Variants in ZNF551 observed in about 807,000 individuals in gnomAD.
ZNF551 encodes zinc finger protein 551, also known as KOX 23 protein (56 AA).
A neutral mutation model predicts 7.9 loss-of-function variants in ZNF551; 5 were observed. That is an observed-to-expected ratio of 0.63 (90% CI 0.33 to 1.33). ZNF551 has a LOEUF of 1.33. ZNF551 is among the 40% of genes most tolerant of loss of function. The pLI, the probability that ZNF551 is intolerant of heterozygous loss-of-function variation, is 0.05. For missense variants in ZNF551, 788 were observed against 825.2 expected (o/e 0.95, Z 0.55); for synonymous variants, 287 against 277.3 (o/e 1.03, Z -0.35).
intron 1 of ZNF551, among the ~76,000 whole-genome samples, chr19:57,684,720 A>G (rs1180964623): frequency 6.6e-6 from 1 of 151,924 alleles, no homozygotes; most frequent in Admixed American, 6.6e-5. Flanking sequence ...AGAGATACTC[A>G]TAATGGAATG....
At chr19:57,685,147 T>C in intron 1 of ZNF551, 115 bp from the exon 2 acceptor site, 1 of 1,423,524 alleles carries the variant, frequency 7.0e-7, no homozygotes, top group Non-Finnish European at 9.6e-7. Context: ...GGTGGCACTG[T>C]GGCTGGTTAT....
In ZNF551 at chr19:57,687,681, A is replaced by G. The variant is rs1342124860; in HGVS notation, c.1406A>G (p.His469Arg). ...AACCTCATTCGACACCGCAGCATTC[A>G]CACTGGTGATAGGCCTTATGAGTGC... ...FSNLIRHRSI[H>R]TGDRPYECSE... The change falls in exon 3 of 3, where the codon CAC (histidine) becomes CGC (arginine). Residue 469 changes from histidine to arginine, a missense_variant. By Grantham distance (29) the His-to-Arg change is conservative (BLOSUM62 0). Transcript: ENST00000282296. The G allele has an allele frequency of 6.2e-7, 1 of 1,614,212 alleles. No homozygotes were observed. Among genetic ancestry groups the G allele is most frequent in the Non-Finnish European group, 8.5e-7 (1 of 1,180,046 alleles).
Position 57,687,002 on chromosome 19 carries a change from A to T in ZNF551, c.727A>T (p.Ser243Cys), listed in dbSNP as rs1404756482. The change falls in exon 3 of 3, where the codon AGT becomes TGT. Residue 243 changes from serine to cysteine, a missense_variant. Ser to Cys is a moderately radical substitution (Grantham distance 112). Transcript: ENST00000282296. ...CAAACACACACTTGTTCAGCATCAG[A>T]GTGTCTGTTCTGAAGGAGGGCTTTA... The part of the protein sequence containing the change: ...SHKHTLVQHQ[S>C]VCSEGGLYEC... 11 of 1,614,074 alleles carry T rather than the reference A, an allele frequency of 6.8e-6. No homozygotes were observed. The highest frequency in any genetic ancestry group is 9.3e-6 in the Non-Finnish European group (11 of 1,180,036).
In ZNF551 at chr19:57,687,373, C is replaced by T. The variant is rs200491800; in HGVS notation, c.1098C>T (p.Gly366=). 36 of 1,612,472 alleles carry T rather than the reference C, an allele frequency of 2.2e-5. No homozygotes were observed. The highest frequency in any genetic ancestry group is 5.0e-5 in the Admixed American group (3 of 59,896). Reference sequence around the variant, plus strand: ...CTGGAGAAAGGCCTTATGAATGTGGCGAGTGCGGGAAATCCTTTAGACAAA... The same window carrying T: ...CTGGAGAAAGGCCTTATGAATGTGGTGAGTGCGGGAAATCCTTTAGACAAA... ...VHTGERPYEC[G]ECGKSFRQSS... is the part of the protein sequence containing the mutation. The change falls in exon 3 of 3, where the codon GGC becomes GGT. Residue 366 remains glycine (G), a synonymous_variant. Transcript: ENST00000282296.
Position 57,687,628 on chromosome 19 carries a change from A to G in ZNF551, c.1353A>G (p.Glu451=). The part of the protein sequence containing the change: ...HSGERPYECR[E]CGKSFRQFSN... ...GAGAAAGACCTTATGAATGCAGAGA[A>G]TGTGGGAAATCCTTTAGACAATTCT... Residue 451 remains glutamate, a synonymous_variant, in exon 3 of 3, where the codon GAA becomes GAG. Coordinates refer to ENST00000282296, the MANE Select transcript of ZNF551 (RefSeq NM_138347.5). 6.2e-7 allele frequency: 1 copy of G among 1,614,212 alleles called. No homozygotes were observed. Among genetic ancestry groups the G allele is most frequent in the Non-Finnish European group, 8.5e-7 (1 of 1,180,036 alleles).
In ZNF551 at chr19:57,682,226, G is replaced by T; in HGVS notation, c.63G>T (p.Ala21=). The change falls in exon 1 of 3, where the codon GCG becomes GCT. Residue 21 remains alanine (A), a synonymous_variant. Coordinates refer to ENST00000282296, the MANE Select transcript of ZNF551 (RefSeq NM_138347.5). ...CACGGAGCTCAATGGCGGCAGTCGC[G>T]CTGAGGGACTCGGCTCAGGTGAGTT... ...PSPRSSMAAV[A]LRDSAQGMTF... 6.4e-7 allele frequency: 1 copy of T among 1,550,470 alleles called. No individual in the cohort carries two copies. Among genetic ancestry groups the T allele is most frequent in the Non-Finnish European group, 8.7e-7 (1 of 1,146,940 alleles).
intron 1 of ZNF551, among the ~76,000 whole-genome samples, chr19:57,683,579 G>T (rs912650259): frequency 2.0e-4 from 30 of 152,198 alleles, no homozygotes; most frequent in African/African-American, 7.2e-4. Context: ...GACAATCTGT[G>T]GGCCGGGGTG....
chr19:57,688,613 A>C lies in ZNF551; in HGVS notation c.*325A>C. The stretch of plus-strand genomic sequence containing the variant: ...TGTACTCTCCCATTTGCTTGGGGAA[A>C]TTATTAATAGCCCAAGCATGTAGGG... On this transcript the variant is annotated 3_prime_UTR_variant, in exon 3 of 3. Coordinates refer to ENST00000282296, the MANE Select transcript of ZNF551 (RefSeq NM_138347.5). The C allele has an allele frequency of 3.3e-6, 1 of 299,820 alleles. No individual in the cohort carries two copies. Among genetic ancestry groups the C allele is most frequent in the Non-Finnish European group, 6.2e-6 (1 of 160,214 alleles). 18.6% of individuals were successfully genotyped at this position (299,820 alleles called of 1,614,324 possible). A position where few individuals can be genotyped will look rare whatever the true frequency, so the allele number is the denominator to read the frequency against.
At chr19:57,685,568 A>G in intron 2 of ZNF551, 183 bp downstream of exon 2, 3 of 837,298 alleles carry the variant, frequency 3.6e-6, no homozygotes, top group African/African-American at 1.7e-5. Context: ...TCTAGCTGCC[A>G]TTTCCTTATG....
chr19:57,686,424 A>T, intron 2 of ZNF551, 57 bp from the exon 3 acceptor site: 2 of 1,571,400 alleles, frequency 1.3e-6, no homozygotes, highest in Admixed American at 3.6e-5. Context: ...TTTGTGATAC[A>T]TCTTTCTCCT....
rs1014688102 is a variant in ZNF551 at position 57,688,561 on chromosome 19, C to G, written c.*273C>G. On this transcript the variant is annotated 3_prime_UTR_variant, in exon 3 of 3. Coordinates refer to ENST00000282296, the MANE Select transcript of ZNF551 (RefSeq NM_138347.5). ...GCACACCATGTGCATGAGTCACTTC[C>G]CCACAGTGCTCAGAGAAGCAAACCT... is the stretch of plus-strand genomic sequence containing the variant. The G allele has an allele frequency of 6.3e-6, 3 of 479,042 alleles. No homozygotes were observed. Among genetic ancestry groups the G allele is most frequent in the Non-Finnish European group, 7.5e-6 (2 of 265,982 alleles). 29.7% of individuals were successfully genotyped at this position (479,042 alleles called of 1,614,324 possible).
rs149094286 is a variant in ZNF551, at chr19:57,687,380, G to A, written c.1105G>A (p.Gly369Arg). The stretch of plus-strand genomic sequence containing the variant: ...AAGGCCTTATGAATGTGGCGAGTGC[G>A]GGAAATCCTTTAGACAAAGCTCTAG... ...GERPYECGEC[G>R]KSFRQSSSLF... is the part of the protein sequence containing the mutation. The change falls in exon 3 of 3, where the codon GGG becomes AGG. Residue 369 changes from glycine (G) to arginine (R), a missense_variant. Transcript: ENST00000282296. 3.3e-5 allele frequency: 54 copies of A among 1,613,988 alleles called. No homozygotes were observed. The highest frequency in any genetic ancestry group is 4.1e-5 in the Non-Finnish European group (48 of 1,180,028).
In ZNF551 at chr19:57,687,514, C is replaced by T; in HGVS notation, c.1239C>T (p.His413=). Residue 413 remains histidine (H), a synonymous_variant, in exon 3 of 3, where the codon CAC becomes CAT. Coordinates refer to ENST00000282296, the MANE Select transcript of ZNF551 (RefSeq NM_138347.5). ...ATCTCATTCGACATAGAAGAGTTCA[C>T]ACTGGAGAAATGCCTTATCAGTGCA... ...IFNLIRHRRV[H]TGEMPYQCSD... 2.5e-6 allele frequency: 4 copies of T among 1,614,178 alleles called. No individual in the cohort carries two copies. The highest frequency in any genetic ancestry group is 3.4e-6 in the Non-Finnish European group (4 of 1,180,002).
Position 57,688,369 on chromosome 19 carries a change from C to CTT in ZNF551, c.*83_*84dup. 4 of 1,530,702 alleles carry CTT rather than the reference C, an allele frequency of 2.6e-6. No individual in the cohort carries two copies. The East Asian group carries it at 9.0e-5, about 35-fold the overall frequency. The allele number at this position is 1,530,702 out of a possible 1,614,324, so 94.8% of individuals were successfully genotyped here. On this transcript the variant is annotated 3_prime_UTR_variant, in exon 3 of 3. Coordinates refer to ENST00000282296, the MANE Select transcript of ZNF551 (RefSeq NM_138347.5). Reference sequence around the variant, plus strand: ...TGGTAGCCATCTTCGTAAATTTAAACTTTGAGCACCCACAGTGGGGTATTC... The same window carrying CTT: ...TGGTAGCCATCTTCGTAAATTTAAACTTTTTGAGCACCCACAGTGGGGTATTC...
chr19:57,685,498 CT>C, intron 2 of ZNF551, 113 bp downstream of exon 2: 3 of 1,516,836 alleles, frequency 2.0e-6, no homozygotes, highest in Non-Finnish European at 2.7e-6. Flanking sequence ...TGTCTTCCCC[CT>C]GTCAGGATGA....
At chr19:57,682,331 GC>G in intron 1 of ZNF551, 87 bp downstream of exon 1, 1 of 1,410,666 alleles carries the variant, frequency 7.1e-7, no homozygotes. Flanking sequence ...CAGCCCTGCA[GC>G]CCAGGCCCCA....
At position 57,682,133 on chromosome 19, in the gene ZNF551, C is replaced by T. The variant is rs934159217; in HGVS notation, c.-31C>T. The T allele has an allele frequency of 1.3e-6, 2 of 1,537,032 alleles. No individual in the cohort carries two copies. The highest frequency in any genetic ancestry group is 1.4e-5 in the African/African-American group (1 of 72,852). On this transcript the variant is annotated 5_prime_UTR_variant, in exon 1 of 3. Coordinates refer to ENST00000282296, the MANE Select transcript of ZNF551 (RefSeq NM_138347.5). ...GCGACACCACCTCGGGTGAGCTGCG[C>T]CAGGCCCGGGATAGGGACTGTTGTG... is the stretch of plus-strand genomic sequence containing the variant.
intron 2 of ZNF551, among the ~76,000 whole-genome samples, chr19:57,685,844 A>T (rs1161754726): frequency 2.0e-5 from 3 of 152,234 alleles, no homozygotes; most frequent in Admixed American, 6.5e-5. Context: ...GGGGAAGGGC[A>T]TGACATCATG....
At chr19:57,684,784 A>G (rs1267635664) in intron 1 of ZNF551, among the ~76,000 whole-genome samples, 2 of 152,150 alleles carry the variant, frequency 1.3e-5, no homozygotes, top group African/African-American at 4.8e-5. Context: ...GGCTGTGGGA[A>G]TGCAGCTGTG....
Sources: gnomAD v4.1 joint callset for allele counts (sites outside exome capture counted in the v4.1 genomes callset) on GRCh38, gnomAD v4.1.1 for gene constraint, MANE v1.5 for transcripts, NCBI Gene and HGNC (gene_info 2026-07-23, HGNC 2026-07-21) for gene names.